Variants in COX7B2 observed in about 807,000 individuals in gnomAD.
COX7B2 encodes cytochrome c oxidase subunit 7B2, also known as cytochrome c oxidase subunit 7B2, mitochondrial.
For missense variants in COX7B2, 109 were observed against 95.9 expected (o/e 1.14, Z -0.57); for synonymous variants, 37 against 32.1 (o/e 1.15, Z -0.51).
chr4:46,754,846 A>G (rs1193021379), intron 2 of COX7B2, among the ~76,000 whole-genome samples: 1 of 150,568 alleles, frequency 6.6e-6, no homozygotes, highest in Non-Finnish European at 1.5e-5. Flanking sequence ...CTAGATTCAC[A>G]GCCAAATACT....
At chr4:46,793,850 A>T (rs1718176057) in intron 2 of COX7B2, among the ~76,000 whole-genome samples, 1 of 152,192 alleles carries the variant, frequency 6.6e-6, no homozygotes, top group African/African-American at 2.4e-5. Context: ...GACCCTGATG[A>T]AGCTGGTTAC....
intron 1 of COX7B2, among the ~76,000 whole-genome samples, chr4:46,897,248 A>T (rs1268148125): frequency 6.6e-6 from 1 of 152,170 alleles, no homozygotes; most frequent in African/African-American, 2.4e-5. Flanking sequence ...CTCTTGTAAA[A>T]TAAAGGTTCC....
In COX7B2 at chr4:46,812,936, C is replaced by T. The variant is rs146537567; in HGVS notation, c.-50+32024G>A. Among the ~76,000 whole-genome samples, 538 of 152,218 alleles carry T rather than the reference C, an allele frequency of 3.5e-3. 2 individuals carry two copies. The highest frequency in any genetic ancestry group is 5.7e-3 in the Non-Finnish European group (386 of 68,006). ...GCAGGCTGCTGCCTCACCTATTGCACAGGGCAGGGGGTTACTGCTCCAGTA... is the reference window on the plus strand; with the variant it reads ...GCAGGCTGCTGCCTCACCTATTGCATAGGGCAGGGGGTTACTGCTCCAGTA... On this transcript the variant is annotated intron_variant, in intron 2 of 2. Transcript: ENST00000355591.
intron 2 of COX7B2, among the ~76,000 whole-genome samples, chr4:46,789,914 A>AAACATAAT (rs1233395486): frequency 1.3e-5 from 2 of 152,250 alleles, no homozygotes; most frequent in East Asian, 3.9e-4. Context: ...AGGATTTTAA[A>AAACATAAT]AACATAATAA....
intron 2 of COX7B2, among the ~76,000 whole-genome samples, chr4:46,766,881 G>T (rs928527694): frequency 3.3e-5 from 5 of 151,886 alleles, no homozygotes; most frequent in African/African-American, 1.2e-4. Context: ...AAAGAGAAAA[G>T]AATCAAAGCC....
At chr4:46,852,518 C>T (rs1716750152) in intron 1 of COX7B2, among the ~76,000 whole-genome samples, 2 of 151,354 alleles carry the variant, frequency 1.3e-5, no homozygotes, top group Admixed American at 1.3e-4. Context: ...TGCTTTTGAC[C>T]CTCTTACCAG....
chr4:46,896,368 T>C (rs1719762451), intron 1 of COX7B2, among the ~76,000 whole-genome samples: 1 of 152,208 alleles, frequency 6.6e-6, no homozygotes. Flanking sequence ...TATTGGTAGA[T>C]GTACCCAGTG....
At chr4:46,866,558 A>G (rs946305494) in intron 1 of COX7B2, among the ~76,000 whole-genome samples, 4 of 152,184 alleles carry the variant, frequency 2.6e-5, no homozygotes, top group Non-Finnish European at 5.9e-5. Flanking sequence ...ATAACCCCAT[A>G]AGGCCCAATA....
rs188340969 is a variant in COX7B2, at chr4:46,902,832, A to G, written c.-105+6328T>C. Among the ~76,000 whole-genome samples the G allele has an allele frequency of 2.6e-4, 40 of 152,256 alleles. 2 individuals are homozygous for G. The East Asian group carries it at 7.7e-3, about 29-fold the overall frequency. On this transcript the variant is annotated intron_variant, in intron 1 of 2. Coordinates refer to ENST00000355591, the MANE Select transcript of COX7B2 (RefSeq NM_130902.3). ...GCAGAGGTTGCAGTGAGCCCAGATC[A>G]AACCACTGTACTCCAGTCTGGGTAA... is the stretch of plus-strand genomic sequence containing the variant.
intron 1 of COX7B2, among the ~76,000 whole-genome samples, chr4:46,847,581 A>C (rs941541218): frequency 6.6e-6 from 1 of 152,090 alleles, no homozygotes; most frequent in African/African-American, 2.4e-5. Context: ...GATTAAAAAA[A>C]AGTCTGTTAT....
chr4:46,866,609 A>G (rs1217029795), intron 1 of COX7B2, among the ~76,000 whole-genome samples: 1 of 152,158 alleles, frequency 6.6e-6, no homozygotes, highest in African/African-American at 2.4e-5. Context: ...TTCTAATGGG[A>G]AGCAGGGCAG....
chr4:46,750,760 A>C (rs1715324103), intron 2 of COX7B2, among the ~76,000 whole-genome samples: 1 of 152,194 alleles, frequency 6.6e-6, no homozygotes, highest in Non-Finnish European at 1.5e-5. Context: ...GGTTGTTTCT[A>C]GTGAGGGCTC....
chr4:46,845,758 C>T lies in COX7B2; in HGVS notation c.-104-744G>A, dbSNP rs183759023. 5.3e-5 allele frequency among the ~76,000 whole-genome samples: 8 copies of T among 152,104 alleles called. No homozygotes were observed. In the East Asian group the frequency reaches 1.4e-3, roughly 26 times the overall value. On this transcript the variant is annotated intron_variant, in intron 1 of 2. Transcript: ENST00000355591. ...AGGTGACTACCACTGCCTGTTTTAC[C>T]TCCTTCTTAATGCCTGGAGTGAAAC...
At chr4:46,764,143 C>T (rs2109488925) in intron 2 of COX7B2, among the ~76,000 whole-genome samples, 1 of 152,252 alleles carries the variant, frequency 6.6e-6, no homozygotes, top group Non-Finnish European at 1.5e-5. Context: ...AGCATAGTTG[C>T]TTATTATGTA....
intron 2 of COX7B2, among the ~76,000 whole-genome samples, chr4:46,763,011 TTATAA>T (rs1480035535): frequency 1.5e-5 from 2 of 130,092 alleles, no homozygotes; most frequent in African/African-American, 3.0e-5. Flanking sequence ...ATATACATAA[TTATAA>T]TATATAATAT....
intron 2 of COX7B2, among the ~76,000 whole-genome samples, chr4:46,762,334 TTAA>T (rs1371672954): frequency 7.4e-6 from 1 of 135,862 alleles, no homozygotes; most frequent in East Asian, 2.0e-4. Flanking sequence ...TTACTATATA[TTAA>T]TATATATTTA....
At chr4:46,881,001 A>AAAAAAAAAAAC in intron 1 of COX7B2, among the ~76,000 whole-genome samples, 1 of 150,634 alleles carries the variant, frequency 6.6e-6, no homozygotes, top group Admixed American at 6.6e-5. Flanking sequence ...AATAAAAAAA[A>AAAAAAAAAAAC]AAAAAAAAAA....
chr4:46,759,483 G>T (rs112573200), intron 2 of COX7B2, among the ~76,000 whole-genome samples: 25,121 of 151,746 alleles, frequency 0.17, 2,249 homozygotes, highest in South Asian at 0.35. Flanking sequence ...AATCTACAAA[G>T]AACTTAAATA....
At chr4:46,771,559 T>A (rs1019696271) in intron 2 of COX7B2, among the ~76,000 whole-genome samples, 1 of 152,072 alleles carries the variant, frequency 6.6e-6, no homozygotes, top group Non-Finnish European at 1.5e-5. Flanking sequence ...TTTTTTTTTT[T>A]ATTTGGAATA....
Sources: gnomAD v4.1 joint callset for allele counts (sites outside exome capture counted in the v4.1 genomes callset) on GRCh38, gnomAD v4.1.1 for gene constraint, MANE v1.5 for transcripts, NCBI Gene and HGNC (gene_info 2026-07-23, HGNC 2026-07-21) for gene names.